CDC42EP4: variants seen among roughly 807,000 people sequenced by gnomAD.
CDC42EP4 encodes the protein CDC42 effector protein (Rho GTPase binding) 4.
CDC42EP4 carries 6 observed loss-of-function variants against 5.6 expected under a neutral mutation model. That is an observed-to-expected ratio of 1.07 (90% CI 0.59 to 2.12). The LOEUF (loss-of-function observed/expected upper bound fraction) is 2.12, where lower values mean the gene tolerates loss of function less well. Among genes scored for constraint, CDC42EP4 ranks in the 30% most tolerant of loss-of-function variants. CDC42EP4 has a pLI of 0.00. For missense variants in CDC42EP4, 490 were observed against 508.6 expected (o/e 0.96, Z 0.35); for synonymous variants, 230 against 224.2 (o/e 1.03, Z -0.23).
At position 73,286,479 on chromosome 17, in the gene CDC42EP4, C is replaced by T. The variant is rs767826005; in HGVS notation, c.22G>A (p.Val8Met). The T allele has an allele frequency of 2.5e-6, 4 of 1,595,822 alleles. No homozygotes were observed. The South Asian group carries it at 4.5e-5, about 18-fold the overall frequency. ...CGCTTGGAGTGCACCGAGCTGGACA[C>T]CAGTTGCTTGAGGATTGGCATCTTG... is the stretch of plus-strand genomic sequence containing the variant. MPILKQL[V>M]SSSVHSKRRS... is the part of the protein sequence containing the mutation. The change falls in exon 2 of 2, where the codon GTG (valine) becomes ATG (methionine). Residue 8 changes from valine to methionine, a missense_variant. Transcript: ENST00000335793. This position sits in a 1 kb window ranked among gnomAD's most constrained non-coding sequence, Gnocchi z 7.7.
intron 1 of CDC42EP4, among the ~76,000 whole-genome samples, chr17:73,293,909 G>A (rs1341929675): frequency 2.6e-5 from 4 of 152,198 alleles, no homozygotes; most frequent in Non-Finnish European, 4.4e-5. Flanking sequence ...ACTGTGTTGT[G>A]ATTTTAGCTG....
At chr17:73,310,791 A>ACACACACG (rs1451239020) in intron 1 of CDC42EP4, 10 of 125,662 alleles carry the variant, frequency 8.0e-5, no homozygotes, top group Middle Eastern at 4.8e-3. Context: ...ACACACACAC[A>ACACACACG]CACGCACTTC....
At position 73,286,232 on chromosome 17, in the gene CDC42EP4, T is replaced by C. The variant is rs1298225807; in HGVS notation, c.269A>G (p.Gln90Arg). 5.0e-6 allele frequency: 8 copies of C among 1,614,204 alleles called. No homozygotes were observed. The highest frequency in any genetic ancestry group is 5.9e-6 in the Non-Finnish European group (7 of 1,180,046). ...SRKFRGSKRS[Q>R]SVTRGEREQR... ...CTCCCGCTCCCCCCTGGTCACCGAC[T>C]GTGACCGCTTGCTGCCCCGGAACTT... is the stretch of plus-strand genomic sequence containing the variant. The change falls in exon 2 of 2, where the codon CAG becomes CGG. Residue 90 changes from glutamine to arginine, a missense_variant. Gln to Arg is a conservative substitution (Grantham distance 43). Coordinates refer to ENST00000335793, the MANE Select transcript of CDC42EP4 (RefSeq NM_012121.5). The surrounding 1 kb of genome is among the most constrained non-coding windows in gnomAD (Gnocchi z 7.7).
intron 1 of CDC42EP4, among the ~76,000 whole-genome samples, chr17:73,294,271 G>A (rs2062174695): frequency 6.6e-6 from 1 of 152,162 alleles, no homozygotes; most frequent in Non-Finnish European, 1.5e-5. Context: ...AGAATCGCTT[G>A]AACCCAGGAG....
Position 73,284,591 on chromosome 17 carries a change from A to C in CDC42EP4, c.*839T>G, listed in dbSNP as rs745903590. ...ATCGCCACTGTGAATTTTGAAGAGG[A>C]GGCTTAGTATAAAGGTTTTCTAAAA... On this transcript the variant is annotated 3_prime_UTR_variant, in exon 2 of 2. Coordinates refer to ENST00000335793, the MANE Select transcript of CDC42EP4 (RefSeq NM_012121.5). The C allele has an allele frequency of 1.3e-5, 2 of 152,162 alleles. No homozygotes were observed. Among genetic ancestry groups the C allele is most frequent in the Non-Finnish European group, 2.9e-5 (2 of 68,014 alleles). 9.4% of individuals were successfully genotyped at this position (152,162 alleles called of 1,614,324 possible).
At chr17:73,302,583 C>T (rs927638029) in intron 1 of CDC42EP4, among the ~76,000 whole-genome samples, 1 of 152,046 alleles carries the variant, frequency 6.6e-6, no homozygotes, top group South Asian at 2.1e-4. Flanking sequence ...CTCAAGCAAT[C>T]CTTCCACCTC....
Position 73,286,660 on chromosome 17 carries a change from C to A in CDC42EP4, c.-112-48G>T. On this transcript the variant is annotated intron_variant, in intron 1 of 1. Coordinates refer to ENST00000335793, the MANE Select transcript of CDC42EP4 (RefSeq NM_012121.5). The surrounding 1 kb of genome is among the most constrained non-coding windows in gnomAD (Gnocchi z 7.7). ...AAAGGATTAACGCGGGCTGGCCACA[C>A]GGCACAAAAGCCTCTTTGCCAGGGG... 2 of 606,546 alleles carry A rather than the reference C, an allele frequency of 3.3e-6. No individual in the cohort carries two copies. Among genetic ancestry groups the A allele is most frequent in the Non-Finnish European group, 5.8e-6 (2 of 346,610 alleles). 37.6% of individuals were successfully genotyped at this position (606,546 alleles called of 1,614,324 possible). A position where few individuals can be genotyped will look rare whatever the true frequency, so the allele number is the denominator to read the frequency against.
At chr17:73,300,410 T>C (rs994670216) in intron 1 of CDC42EP4, among the ~76,000 whole-genome samples, 6 of 152,130 alleles carry the variant, frequency 3.9e-5, no homozygotes, top group African/African-American at 1.2e-4. Context: ...GCAGGGATCA[T>C]AGAGTGACCT....
chr17:73,300,655 T>C (rs141628108), intron 1 of CDC42EP4, among the ~76,000 whole-genome samples: 75 of 152,182 alleles, frequency 4.9e-4, no homozygotes, highest in African/African-American at 1.8e-3. Context: ...TGGGTGATGG[T>C]TACACTACAA....
intron 1 of CDC42EP4, among the ~76,000 whole-genome samples, chr17:73,305,708 C>T (rs1250830923): frequency 6.6e-6 from 1 of 152,208 alleles, no homozygotes; most frequent in Admixed American, 6.5e-5. Context: ...GTGCTGTGCT[C>T]GGGTGAGCAC....
chr17:73,285,896 T>G lies in CDC42EP4; in HGVS notation c.605A>C (p.His202Pro), dbSNP rs578144279. ...GTGGAAGGACATGATGGACTCCGCA[T>G]GCTTCAGCCCGTACGTGGCCTTGGG... ...VVPKATYGLK[H>P]AESIMSFHID... The change falls in exon 2 of 2, where the codon CAT becomes CCT. Residue 202 changes from histidine to proline, a missense_variant. Coordinates refer to ENST00000335793, the MANE Select transcript of CDC42EP4 (RefSeq NM_012121.5). This position sits in a 1 kb window ranked among gnomAD's most constrained non-coding sequence, Gnocchi z 6.8. 6.8e-6 allele frequency: 11 copies of G among 1,614,034 alleles called. No individual in the cohort carries two copies. Among genetic ancestry groups the G allele is most frequent in the East Asian group, 2.2e-5 (1 of 44,882 alleles).
chr17:73,299,066 C>A (rs1352066643), intron 1 of CDC42EP4, among the ~76,000 whole-genome samples: 2 of 151,868 alleles, frequency 1.3e-5, no homozygotes, highest in Non-Finnish European at 2.9e-5. Flanking sequence ...AGTGATCCTC[C>A]CCGGCCTCAG....
intron 1 of CDC42EP4, among the ~76,000 whole-genome samples, chr17:73,303,455 G>T (rs1295673192): frequency 6.6e-6 from 1 of 151,728 alleles, no homozygotes; most frequent in Non-Finnish European, 1.5e-5. Context: ...TGAAGTCAGG[G>T]GTTCAACCCC....
chr17:73,303,100 T>TTGG (rs2062227335), intron 1 of CDC42EP4, among the ~76,000 whole-genome samples: 1 of 147,950 alleles, frequency 6.8e-6, no homozygotes. Flanking sequence ...TCCCAGAACT[T>TTGG]TGGGAGGCTG....
At chr17:73,311,064 C>T (rs1772206302) in intron 1 of CDC42EP4, 1 of 152,342 alleles carries the variant, frequency 6.6e-6, no homozygotes, top group Non-Finnish European at 1.5e-5. Context: ...TGCGATCCCG[C>T]TGAGCGCGCT....
chr17:73,292,501 G>A (rs986725650), intron 1 of CDC42EP4, among the ~76,000 whole-genome samples: 1 of 152,144 alleles, frequency 6.6e-6, no homozygotes, highest in Non-Finnish European at 1.5e-5. Flanking sequence ...GTGTGAGTGT[G>A]GGGGGTGGGG....
intron 1 of CDC42EP4, among the ~76,000 whole-genome samples, chr17:73,299,209 G>A (rs1160199963): frequency 6.6e-6 from 1 of 152,016 alleles, no homozygotes; most frequent in Non-Finnish European, 1.5e-5. Flanking sequence ...AGATCACGAG[G>A]TCAGGAGATC....
rs185165304 is a variant in CDC42EP4 at position 73,286,302 on chromosome 17, C to T, written c.199G>A (p.Glu67Lys). Reference sequence around the variant, plus strand: ...TTGGAAGATGAAGAAGAGGGCTGTTCGTCCAAGGACTCGCCGTCGGGCTCG... The same window carrying T: ...TTGGAAGATGAAGAAGAGGGCTGTTTGTCCAAGGACTCGCCGTCGGGCTCG... ...AGEPDGESLD[E>K]QPSSSSSKRS... Residue 67 changes from glutamate (E) to lysine (K), a missense_variant, in exon 2 of 2, where the codon GAA (glutamate) becomes AAA (lysine). Transcript: ENST00000335793. The surrounding 1 kb of genome is among the most constrained non-coding windows in gnomAD (Gnocchi z 7.7). 2.5e-5 allele frequency: 41 copies of T among 1,614,098 alleles called. No homozygotes were observed. Among genetic ancestry groups the T allele is most frequent in the South Asian group, 3.3e-5 (3 of 91,092 alleles).
At chr17:73,288,843 T>G (rs1320495020) in intron 1 of CDC42EP4, among the ~76,000 whole-genome samples, 1 of 152,054 alleles carries the variant, frequency 6.6e-6, no homozygotes, top group Non-Finnish European at 1.5e-5. Flanking sequence ...GCCATACCGC[T>G]TATCATTCCA....
Sources: gnomAD v4.1 joint callset for allele counts (sites outside exome capture counted in the v4.1 genomes callset) on GRCh38, gnomAD v4.1.1 for gene constraint, Gnocchi (gnomAD v3.1) non-coding constraint, MANE v1.5 for transcripts, NCBI Gene and HGNC (gene_info 2026-07-23, HGNC 2026-07-21) for gene names.